WWC1: variants seen among roughly 807,000 people sequenced by gnomAD.
The protein encoded by WWC1 is protein KIBRA.
A neutral mutation model predicts 138.4 loss-of-function variants in WWC1; 55 were observed. The observed-to-expected ratio is 0.40, with a 90% CI of 0.32 to 0.50. The LOEUF (loss-of-function observed/expected upper bound fraction) is 0.50. Among genes scored for constraint, WWC1 ranks in the 20% least tolerant of loss-of-function variants. The pLI is 0.72. For missense variants in WWC1, 1,226 were observed against 1,420.4 expected (o/e 0.86, Z 2.20); for synonymous variants, 524 against 564.9 (o/e 0.93, Z 1.03).
At chr5:168,414,784 T>A in intron 9 of WWC1, 194 bp downstream of exon 9, 1 of 788,862 alleles carries the variant, frequency 1.3e-6, no homozygotes, top group Non-Finnish European at 1.9e-6. Context: ...CCAGCTACCC[T>A]GGAATTTTGC....
chr5:168,466,359 T>C (rs913631716), intron 21 of WWC1, among the ~76,000 whole-genome samples: 13 of 152,040 alleles, frequency 8.6e-5, no homozygotes, highest in African/African-American at 2.9e-4. Flanking sequence ...TTATGAAAAA[T>C]AATACCTGCC....
chr5:168,432,645 G>C (rs1364503861), intron 15 of WWC1, among the ~76,000 whole-genome samples: 1 of 152,216 alleles, frequency 6.6e-6, no homozygotes, highest in Non-Finnish European at 1.5e-5. Flanking sequence ...CTCATGCTCA[G>C]ATCTGTACTG....
At chr5:168,441,547 C>T (rs1487213349) in intron 15 of WWC1, 135 bp from the exon 16 acceptor site, 1 of 731,726 alleles carries the variant, frequency 1.4e-6, no homozygotes, top group Non-Finnish European at 2.1e-6. Flanking sequence ...AACAACTTGG[C>T]CTCTCTTCCT....
intron 1 of WWC1, among the ~76,000 whole-genome samples, chr5:168,331,247 A>G (rs1773011227): frequency 6.6e-6 from 1 of 152,246 alleles, no homozygotes; most frequent in Non-Finnish European, 1.5e-5. Flanking sequence ...AGCATTCAGC[A>G]AGATTCAAAA....
rs1003982022 is a variant in WWC1 at position 168,423,682 on chromosome 5, C to T, written c.1424C>T (p.Ser475Leu). 1 of 1,614,184 alleles carries T rather than the reference C, an allele frequency of 6.2e-7. No individual in the cohort carries two copies. Among genetic ancestry groups the T allele is most frequent in the Non-Finnish European group, 8.5e-7 (1 of 1,180,034 alleles). Residue 475 changes from serine (S) to leucine (L), a missense_variant, in exon 11 of 23, where the codon TCA becomes TTA. Coordinates refer to ENST00000265293, the MANE Select transcript of WWC1 (RefSeq NM_015238.3). ...TATGACCCCTTTGAGCAGCTGGACT[C>T]AGAGCTGCAGAGCAAGGTGGAGTTC... The part of the protein sequence containing the change: ...LYYDPFEQLD[S>L]ELQSKVEFLL...
intron 1 of WWC1, among the ~76,000 whole-genome samples, chr5:168,297,682 G>GGT (rs1332140429): frequency 4.0e-5 from 6 of 149,872 alleles, no homozygotes; most frequent in African/African-American, 7.4e-5. Context: ...ACTTGCCCAA[G>GGT]GTCACACAGA....
rs1017571220 is a variant in WWC1, at chr5:168,349,491, A to G, written c.120-21933A>G. Among the ~76,000 whole-genome samples, 5 of 152,166 alleles carry G rather than the reference A, an allele frequency of 3.3e-5. No individual in the cohort carries two copies. In the East Asian group the frequency reaches 9.6e-4, roughly 29 times the overall value. ...ACTCTCCAGGGCCTCATCCTGGCCA[A>G]GCAGCCTCACCCTCTCCTTCAGCAC... On this transcript the variant is annotated intron_variant, in intron 1 of 22. Transcript: ENST00000265293.
intron 2 of WWC1, among the ~76,000 whole-genome samples, chr5:168,374,041 G>A: frequency 9.2e-6 from 1 of 108,260 alleles, no homozygotes; most frequent in African/African-American, 4.0e-5. Context: ...GCGAGATTCT[G>A]TACCAAAAAA....
chr5:168,386,130 C>T (rs1233217586), intron 3 of WWC1, among the ~76,000 whole-genome samples: 3 of 152,162 alleles, frequency 2.0e-5, no homozygotes, highest in South Asian at 4.1e-4. Context: ...CTCAGTCTTC[C>T]AGTCTCATCC....
chr5:168,445,560 G>A (rs1755174171), intron 17 of WWC1, among the ~76,000 whole-genome samples: 1 of 151,760 alleles, frequency 6.6e-6, no homozygotes, highest in Non-Finnish European at 1.5e-5. Flanking sequence ...AATTAGCCAG[G>A]CATGGTGGTG....
intron 15 of WWC1, among the ~76,000 whole-genome samples, chr5:168,433,221 A>T (rs558907063): frequency 6.6e-6 from 1 of 152,364 alleles, no homozygotes; most frequent in South Asian, 2.1e-4. Flanking sequence ...TGTGCCATGC[A>T]CACAAGTTAC....
chr5:168,412,145 A>G, intron 8 of WWC1: 2 of 985,454 alleles, frequency 2.0e-6, no homozygotes. Context: ...TCCTTGAGAC[A>G]CTAAAGGACT....
intron 1 of WWC1, among the ~76,000 whole-genome samples, chr5:168,321,817 G>A (rs1409458492): frequency 2.6e-5 from 4 of 152,224 alleles, no homozygotes; most frequent in South Asian, 2.1e-4. Flanking sequence ...GATTACAGGC[G>A]TGAGCCACGG....
intron 6 of WWC1, among the ~76,000 whole-genome samples, chr5:168,407,294 A>G (rs1258707549): frequency 6.6e-6 from 1 of 151,830 alleles, no homozygotes; most frequent in Non-Finnish European, 1.5e-5. Context: ...CATCTCTTAA[A>G]TCAACCCTAG....
rs1426198207 is a variant in WWC1 at position 168,469,117 on chromosome 5, A to G, written c.*100A>G. On this transcript the variant is annotated 3_prime_UTR_variant, in exon 23 of 23. Transcript: ENST00000265293. ...TGTTATATGAAGGTACTGAGTCACAAGTCCTCTAGTGCTCTTGTTGGTTTG... is the reference window on the plus strand; with the variant it reads ...TGTTATATGAAGGTACTGAGTCACAGGTCCTCTAGTGCTCTTGTTGGTTTG... 7 of 1,405,752 alleles carry G rather than the reference A, an allele frequency of 5.0e-6. No individual in the cohort carries two copies. Among genetic ancestry groups the G allele is most frequent in the Non-Finnish European group, 7.0e-6 (7 of 1,000,416 alleles). 87.1% of individuals were successfully genotyped at this position (1,405,752 alleles called of 1,614,324 possible).
At chr5:168,323,483 G>C (rs1202291929) in intron 1 of WWC1, among the ~76,000 whole-genome samples, 1 of 152,076 alleles carries the variant, frequency 6.6e-6, no homozygotes, top group Non-Finnish European at 1.5e-5. Context: ...GGAGGTAGAG[G>C]CTGTCGTGAG....
At chr5:168,403,074 C>CTTTCTTTCTTTCTTTCT (rs1554104773) in intron 5 of WWC1, among the ~76,000 whole-genome samples, 3 of 113,432 alleles carry the variant, frequency 2.6e-5, no homozygotes, top group East Asian at 2.4e-4. Context: ...TTCTTTCTTT[C>CTTTCTTTCTTTCTTTCT]TTTCTTTTCT....
chr5:168,454,248 C>A, intron 18 of WWC1, 148 bp downstream of exon 18: 1 of 1,236,280 alleles, frequency 8.1e-7, no homozygotes, highest in African/African-American at 1.5e-5. Context: ...TTGGGTCATT[C>A]TGGTGATAGT....
At chr5:168,332,435 C>T (rs938352442) in intron 1 of WWC1, among the ~76,000 whole-genome samples, 6 of 152,152 alleles carry the variant, frequency 3.9e-5, no homozygotes, top group South Asian at 2.1e-4. Flanking sequence ...TTTCTGGTTG[C>T]ATCTAATAAT....
Sources: gnomAD v4.1 joint callset for allele counts (sites outside exome capture counted in the v4.1 genomes callset) on GRCh38, gnomAD v4.1.1 for gene constraint, MANE v1.5 for transcripts, NCBI Gene and HGNC (gene_info 2026-07-23, HGNC 2026-07-21) for gene names.